Variants in SRPK2 observed in about 807,000 individuals in gnomAD.
SRPK2 encodes the protein SRSF protein kinase 2, also known as SFRS protein kinase 2.
In SRPK2, 21 loss-of-function variants were observed where a neutral mutation model predicts 90.8. That is an observed-to-expected ratio of 0.23 (90% CI 0.16 to 0.33). The LOEUF (loss-of-function observed/expected upper bound fraction) is 0.33, where lower values mean the gene tolerates loss of function less well. Among genes scored for constraint, SRPK2 ranks in the 10% least tolerant of loss-of-function variants. The pLI is 1.00. For missense variants in SRPK2, 620 were observed against 869.0 expected (o/e 0.71, Z 3.60); for synonymous variants, 288 against 311.1 (o/e 0.93, Z 0.78).
chr7:105,126,023 A>G (rs955897108), intron 15 of SRPK2: 1 of 653,672 alleles, frequency 1.5e-6, no homozygotes, highest in Admixed American at 2.8e-5. Flanking sequence ...TGCTGGATTC[A>G]GGATCCAGAG....
intron 2 of SRPK2, among the ~76,000 whole-genome samples, chr7:105,284,844 G>C (rs1387204335): frequency 6.6e-6 from 1 of 152,132 alleles, no homozygotes; most frequent in East Asian, 1.9e-4. Flanking sequence ...CAGCCAAATG[G>C]GCTGGGTCTA....
chr7:105,214,449 T>C (rs1017760843), intron 2 of SRPK2, among the ~76,000 whole-genome samples: 5 of 152,188 alleles, frequency 3.3e-5, no homozygotes, highest in Non-Finnish European at 7.3e-5. Context: ...TTCTCTTTAG[T>C]AGAATTCACC....
chr7:105,324,005 GTGTGT>G (rs1813255671), intron 2 of SRPK2, among the ~76,000 whole-genome samples: 1 of 149,190 alleles, frequency 6.7e-6, no homozygotes, highest in South Asian at 2.2e-4. Context: ...GTGTGTGTGT[GTGTGT>G]GTGTGTGGTG....
At chr7:105,164,802 CT>C (rs1808272201) in intron 6 of SRPK2, among the ~76,000 whole-genome samples, 2 of 152,164 alleles carry the variant, frequency 1.3e-5, no homozygotes, top group African/African-American at 4.8e-5. Context: ...GGGAAAAAGC[CT>C]TATCCTTAGG....
At chr7:105,301,927 C>G in intron 2 of SRPK2, 4 of 1,609,204 alleles carry the variant, frequency 2.5e-6, no homozygotes, top group Non-Finnish European at 3.4e-6. Flanking sequence ...CTAATACAGC[C>G]CCATCAAGTA....
intron 2 of SRPK2, among the ~76,000 whole-genome samples, chr7:105,310,913 T>C (rs1220704371): frequency 6.6e-6 from 1 of 152,298 alleles, no homozygotes; most frequent in East Asian, 1.9e-4. Flanking sequence ...AAATCCACCC[T>C]TCCACAAATA....
chr7:105,166,948 A>C (rs766854688), intron 6 of SRPK2, among the ~76,000 whole-genome samples: 26 of 152,164 alleles, frequency 1.7e-4, no homozygotes, highest in Non-Finnish European at 3.5e-4. Context: ...TTTACAGAGC[A>C]TTTTTCCTTT....
chr7:105,199,588 A>G (rs1262995582), intron 3 of SRPK2, among the ~76,000 whole-genome samples: 2 of 152,204 alleles, frequency 1.3e-5, no homozygotes, highest in African/African-American at 4.8e-5. Context: ...TTCATACCAT[A>G]CAGGGAAATC....
At chr7:105,326,784 G>T (rs888682796) in intron 2 of SRPK2, among the ~76,000 whole-genome samples, 1 of 152,180 alleles carries the variant, frequency 6.6e-6, no homozygotes, top group Non-Finnish European at 1.5e-5. Context: ...AAAGGTGGCC[G>T]GGCGCGGTGG....
In SRPK2 at chr7:105,178,775, C is replaced by T. The variant is rs80235417; in HGVS notation, c.230-9510G>A. ...AATGAGTAGTGATGACACCACTGCA[C>T]TCCAACCTGGGAGACAAAGTAAGGC... is the stretch of plus-strand genomic sequence containing the variant. On this transcript the variant is annotated intron_variant, in intron 3 of 15. Coordinates refer to ENST00000393651, the MANE Select transcript of SRPK2 (RefSeq NM_182692.3). Among the ~76,000 whole-genome samples, 467 of 152,136 alleles carry T rather than the reference C, an allele frequency of 3.1e-3. 14 individuals are homozygous for T. The East Asian group carries it at 0.062, about 20-fold the overall frequency.
At chr7:105,343,748 A>G (rs1816108016) in intron 2 of SRPK2, among the ~76,000 whole-genome samples, 1 of 152,082 alleles carries the variant, frequency 6.6e-6, no homozygotes, top group African/African-American at 2.4e-5. Context: ...TTAGTTTACA[A>G]TGTCATATCT....
intron 7 of SRPK2, among the ~76,000 whole-genome samples, chr7:105,150,201 T>C (rs1805431076): frequency 6.6e-6 from 1 of 152,262 alleles, no homozygotes; most frequent in Non-Finnish European, 1.5e-5. Context: ...TGGATAATAC[T>C]GCAATTAGGA....
intron 3 of SRPK2, among the ~76,000 whole-genome samples, chr7:105,192,930 T>G (rs1420107825): frequency 6.6e-6 from 1 of 152,204 alleles, no homozygotes; most frequent in African/African-American, 2.4e-5. Flanking sequence ...TTGTAGTTTC[T>G]GGATATTAGT....
At chr7:105,313,785 G>T (rs532890893) in intron 2 of SRPK2, among the ~76,000 whole-genome samples, 1 of 151,842 alleles carries the variant, frequency 6.6e-6, no homozygotes, top group Admixed American at 6.6e-5. Context: ...ACTGTTGGAG[G>T]GGCAGCAAGG....
chr7:105,312,225 AG>A (rs1338509784), intron 2 of SRPK2, among the ~76,000 whole-genome samples: 3 of 152,170 alleles, frequency 2.0e-5, no homozygotes, highest in African/African-American at 7.2e-5. Flanking sequence ...GGGGATCACA[AG>A]GTCAGGAGTT....
chr7:105,183,841 G>C (rs1483972215), intron 3 of SRPK2, among the ~76,000 whole-genome samples: 1 of 152,052 alleles, frequency 6.6e-6, no homozygotes, highest in Non-Finnish European at 1.5e-5. Context: ...CTGTAATTTG[G>C]GAAACAAGCT....
At chr7:105,219,925 C>T (rs1180515463) in intron 2 of SRPK2, among the ~76,000 whole-genome samples, 1 of 152,176 alleles carries the variant, frequency 6.6e-6, no homozygotes, top group African/African-American at 2.4e-5. Flanking sequence ...AAGAATCTTG[C>T]TAATGACTCA....
chr7:105,136,832 G>A (rs866121203), intron 11 of SRPK2, among the ~76,000 whole-genome samples: 2 of 152,168 alleles, frequency 1.3e-5, no homozygotes, highest in Admixed American at 6.5e-5. Context: ...TCAACCATTC[G>A]TGCAACAAAT....
chr7:105,380,937 T>C (rs1820872723), intron 2 of SRPK2, among the ~76,000 whole-genome samples: 1 of 141,370 alleles, frequency 7.1e-6, no homozygotes, highest in Non-Finnish European at 1.5e-5. Flanking sequence ...CCATATTACT[T>C]TTATTACTTT....
Sources: allele counts gnomAD v4.1 joint callset (sites outside exome capture counted in the v4.1 genomes callset), GRCh38; gene constraint gnomAD v4.1.1; transcripts MANE v1.5; gene names NCBI Gene and HGNC (gene_info 2026-07-23, HGNC 2026-07-21).